The following CDKL5 variants were observed in gnomAD, a reference collection of about 807,000 sequenced individuals.
CDKL5 encodes cyclin dependent kinase like 5, also known as cyclin-dependent kinase-like 5.
CDKL5 carries 8 observed loss-of-function variants against 61.7 expected under a neutral mutation model. The ratio of observed to expected loss-of-function variants is 0.13; its 90% CI spans 0.08 to 0.23. The LOEUF is 0.23. Among genes scored for constraint, CDKL5 ranks in the 10% least tolerant of loss-of-function variants. The pLI, the probability that CDKL5 is intolerant of heterozygous loss-of-function variation, is 1.00. For synonymous variants in CDKL5, 275 were observed against 272.3 expected, an observed-to-expected ratio of 1.01 and a Z score of -0.10; for missense variants, 440 against 734.5, an observed-to-expected ratio of 0.60 and a Z score of 4.63.
Position 18,475,793 on chromosome X carries a change from A to G in CDKL5, c.-162-31142A>G, listed in dbSNP as rs1921286302. Among the ~76,000 whole-genome samples, 4 of 112,405 alleles carry G rather than the reference A, an allele frequency of 3.6e-5. No homozygotes were observed. In the South Asian group the frequency reaches 1.5e-3, roughly 41 times the overall value. ...CAGTCTACTGCTTTTCTTGGAAAAG[A>G]TGATGAAAATAACTACTTTAATGTT... On this transcript the variant is annotated intron_variant, in intron 1 of 17. Transcript: ENST00000623535.
At chrX:18,608,199 A>T (rs755753401) in intron 12 of CDKL5, among the ~76,000 whole-genome samples, 1 of 111,812 alleles carries the variant, frequency 8.9e-6, no homozygotes, top group Non-Finnish European at 1.9e-5. Flanking sequence ...GATGAGCACT[A>T]TCATGATTTG....
At chrX:18,496,874 A>C (rs1056070135) in intron 1 of CDKL5, among the ~76,000 whole-genome samples, 5 of 110,936 alleles carry the variant, frequency 4.5e-5, no homozygotes, top group Non-Finnish European at 7.5e-5. Flanking sequence ...ATCCAAAAAG[A>C]GGGAGTATAA....
chrX:18,583,407 G>A (rs964683287), intron 7 of CDKL5, among the ~76,000 whole-genome samples: 2 of 111,803 alleles, frequency 1.8e-5, no homozygotes. Context: ...TCTTCAAAGC[G>A]TGTCTTATGA....
intron 3 of CDKL5, among the ~76,000 whole-genome samples, chrX:18,518,593 A>G (rs1449765045): frequency 9.4e-6 from 1 of 105,940 alleles, no homozygotes; most frequent in Non-Finnish European, 1.9e-5. Flanking sequence ...TTTAGTAGAG[A>G]TGGCGTTTTA....
chrX:18,624,999 AT>A (rs1926994014), intron 16 of CDKL5, 128 bp from the exon 17 acceptor site: 3 of 609,099 alleles, frequency 4.9e-6, no homozygotes, highest in Non-Finnish European at 8.3e-6. Context: ...TTGGGGTTCT[AT>A]TTTTACTGGG....
At chrX:18,472,932 C>G (rs1921151781) in intron 1 of CDKL5, among the ~76,000 whole-genome samples, 1 of 107,937 alleles carries the variant, frequency 9.3e-6, no homozygotes, top group Non-Finnish European at 1.9e-5. Flanking sequence ...TTTTTCCTCT[C>G]TAGGGTTGGA....
chrX:18,428,553 A>G (rs762576050), intron 1 of CDKL5, among the ~76,000 whole-genome samples: 1 of 111,655 alleles, frequency 9.0e-6, no homozygotes, highest in Non-Finnish European at 1.9e-5. Flanking sequence ...GTCAAATAAT[A>G]ATATGAGGCT....
At chrX:18,591,427 T>G (rs745485837) in intron 9 of CDKL5, among the ~76,000 whole-genome samples, 3 of 111,283 alleles carry the variant, frequency 2.7e-5, no homozygotes, top group Non-Finnish European at 5.7e-5. Flanking sequence ...TTCTTTTCTC[T>G]CCATCTCTCA....
intron 1 of CDKL5, among the ~76,000 whole-genome samples, chrX:18,454,229 T>C (rs1349227249): frequency 9.0e-6 from 1 of 111,391 alleles, no homozygotes; most frequent in Non-Finnish European, 1.9e-5. Context: ...AAAGCATACT[T>C]TTCTTTCTTC....
At chrX:18,487,665 C>G (rs1921838250) in intron 1 of CDKL5, among the ~76,000 whole-genome samples, 1 of 112,824 alleles carries the variant, frequency 8.9e-6, no homozygotes, top group African/African-American at 3.2e-5. Context: ...CCTGTAATCC[C>G]AGCACTTTGG....
In CDKL5 at chrX:18,604,536, A is replaced by G. The variant is rs1354757678; in HGVS notation, c.1612A>G (p.Thr538Ala). ...TSPTPTRHSDTRTLLSPSGRN... is the reference protein window; with the variant it reads ...TSPTPTRHSDARTLLSPSGRN... ...CCCAACCCCCACCAGACACAGTGAC[A>G]CGAGAACTTTGCTCAGCCCTTCTGG... Residue 538 changes from threonine (T) to alanine (A), a missense_variant, in exon 12 of 18, where the codon ACG (threonine) becomes GCG (alanine). Physicochemically the swap from Thr to Ala is moderately conservative, Grantham distance 58 (BLOSUM62 0). Coordinates refer to ENST00000623535, the MANE Select transcript of CDKL5 (RefSeq NM_001323289.2). The G allele has an allele frequency of 3.3e-6, 4 of 1,209,902 alleles. No homozygotes were observed. Among genetic ancestry groups the G allele is most frequent in the Non-Finnish European group, 4.5e-6 (4 of 895,201 alleles).
rs1927239678 is a variant in CDKL5 at position 18,631,641 on chromosome X, A to G, written c.*2884A>G. On this transcript the variant is annotated 3_prime_UTR_variant, in exon 18 of 18. Coordinates refer to ENST00000623535, the MANE Select transcript of CDKL5 (RefSeq NM_001323289.2). ...GGCCGTAACTTCCTAAAGAAGAAAA[A>G]GGGTGAATGAAAGCTTATGTTACTT... 1.3e-6 allele frequency: 1 copy of G among 753,528 alleles called. No homozygotes were observed. The allele number at this position is 753,528 out of a possible 1,213,427, so 62.1% of individuals were successfully genotyped here.
intron 1 of CDKL5, among the ~76,000 whole-genome samples, chrX:18,441,337 C>T (rs1988558340): frequency 9.0e-6 from 1 of 110,550 alleles, no homozygotes; most frequent in South Asian, 3.9e-4. Flanking sequence ...ATCACCTGAG[C>T]CCAGGAGGTC....
chrX:18,481,960 TGGCTACACTCACTG>T (rs1288130379), intron 1 of CDKL5, among the ~76,000 whole-genome samples: 6 of 110,280 alleles, frequency 5.4e-5, no homozygotes, highest in Admixed American at 2.0e-4. Context: ...ACTTTCGTCT[TGGCTACACTCACTG>T]GGCATAGAGC....
chrX:18,631,133 G>A lies in CDKL5; in HGVS notation c.*2376G>A, dbSNP rs1927223825. On this transcript the variant is annotated 3_prime_UTR_variant, in exon 18 of 18. Coordinates refer to ENST00000623535, the MANE Select transcript of CDKL5 (RefSeq NM_001323289.2). ...CCTTGCTAACACTGGGATCTCAGAT[G>A]TTTGCAGAACATTTCTATTCATGAC... 1.3e-6 allele frequency: 1 copy of A among 753,365 alleles called. No individual in the cohort carries two copies. The highest frequency in any genetic ancestry group is 1.6e-6 in the Non-Finnish European group (1 of 639,121). 62.1% of individuals were successfully genotyped at this position (753,365 alleles called of 1,213,427 possible).
At chrX:18,598,316 C>CTTTTTTTTTT in intron 10 of CDKL5, 146 bp from the exon 11 acceptor site, 1 of 378,667 alleles carries the variant, frequency 2.6e-6, no homozygotes, top group Non-Finnish European at 4.6e-6. Context: ...TTTAGATAGT[C>CTTTTTTTTTT]TTTTTTTTTT....
intron 1 of CDKL5, among the ~76,000 whole-genome samples, chrX:18,481,422 G>A (rs1191477078): frequency 9.5e-6 from 1 of 105,404 alleles, no homozygotes; most frequent in Non-Finnish European, 1.9e-5. Context: ...GCATGATCGC[G>A]GCTCACCACA....
chrX:18,588,140 C>T lies in CDKL5; in HGVS notation c.741C>T (p.Leu247=), dbSNP rs752286259. 3.3e-6 allele frequency: 4 copies of T among 1,207,524 alleles called. No homozygotes were observed. In the South Asian group the frequency reaches 7.0e-5, roughly 21 times the overall value. The part of the protein sequence containing the change: ...LFYSNPRFHG[L]RFPAVNHPQS... Reference sequence around the variant, plus strand: ...ACAGTAATCCTCGCTTCCATGGGCTCCGGGTAAGAGGTTTTGCTGAAACCC... The same window carrying T: ...ACAGTAATCCTCGCTTCCATGGGCTTCGGGTAAGAGGTTTTGCTGAAACCC... Residue 247 remains leucine, a synonymous_variant, in exon 9 of 18, where the codon CTC becomes CTT. Transcript: ENST00000623535.
chrX:18,529,826 G>A (rs868194871), intron 3 of CDKL5, among the ~76,000 whole-genome samples: 1 of 109,806 alleles, frequency 9.1e-6, no homozygotes, highest in African/African-American at 3.3e-5. Context: ...ATGTACTTAG[G>A]TGTAGATCTT....
Sources: allele counts gnomAD v4.1 joint callset (sites outside exome capture counted in the v4.1 genomes callset), GRCh38; gene constraint gnomAD v4.1.1; transcripts MANE v1.5; gene names NCBI Gene and HGNC (gene_info 2026-07-23, HGNC 2026-07-21).